ZNRF3: variants seen among roughly 807,000 people sequenced by gnomAD.
ZNRF3 encodes the protein E3 ubiquitin-protein ligase ZNRF3.
A neutral mutation model predicts 72.5 loss-of-function variants in ZNRF3; 23 were observed. The observed-to-expected ratio is 0.32, with a 90% CI of 0.23 to 0.45. The LOEUF is 0.45. Ranked by LOEUF, ZNRF3 falls within the 20% of genes least tolerant of loss-of-function variation. The probability of loss-of-function intolerance (pLI) is 1.00; values close to 1 mark genes in which losing one functional copy is unlikely to be tolerated. For synonymous variants in ZNRF3, 610 were observed against 545.3 expected, an observed-to-expected ratio of 1.12 and a Z score of -1.65; for missense variants, 1,169 against 1,272.1, an observed-to-expected ratio of 0.92 and a Z score of 1.23.
intron 1 of ZNRF3, among the ~76,000 whole-genome samples, chr22:28,918,546 G>A (rs879540954): frequency 0.061 from 5,410 of 89,292 alleles, 190 homozygotes; most frequent in East Asian, 0.34. Flanking sequence ...GCGTGTGTGT[G>A]TGTGTGTGTG....
chr22:29,036,832 A>T (rs182281256), intron 2 of ZNRF3, among the ~76,000 whole-genome samples: 29 of 152,364 alleles, frequency 1.9e-4, no homozygotes, highest in Admixed American at 1.7e-3. Flanking sequence ...AATCACAGCC[A>T]TTTAAAATAT....
intron 1 of ZNRF3, among the ~76,000 whole-genome samples, chr22:28,973,655 G>A (rs907259770): frequency 1.3e-5 from 2 of 152,098 alleles, no homozygotes; most frequent in Non-Finnish European, 2.9e-5. Context: ...TAAAGTGCTC[G>A]CTCTTAACAC....
At position 29,049,866 on chromosome 22, in the gene ZNRF3, G is replaced by A. The variant is rs758893267; in HGVS notation, c.1685G>A (p.Cys562Tyr). Reference protein sequence around the residue: ...SSSSSSGQCHCSSSDSVVDCT... With the variant: ...SSSSSSGQCHYSSSDSVVDCT... ...AGCAGCAGCTCCGGCCAGTGCCACT[G>A]TTCCTCCAGTGACTCTGTGGTAGAC... Residue 562 changes from cysteine to tyrosine, a missense_variant, in exon 8 of 9, where the codon TGT becomes TAT. Around this residue, in one of 2 missense-constraint regions of ZNRF3, gnomAD observed 783 missense variants for 731.4 expected, o/e 1.07. Transcript: ENST00000544604. This position sits in a 1 kb window ranked among gnomAD's most constrained non-coding sequence, Gnocchi z 5.2. 1.2e-6 allele frequency: 2 copies of A among 1,605,828 alleles called. No individual in the cohort carries two copies. Among genetic ancestry groups the A allele is most frequent in the Non-Finnish European group, 8.5e-7 (1 of 1,175,598 alleles).
intron 2 of ZNRF3, chr22:29,026,139 C>T (rs1035718340): frequency 6.6e-6 from 1 of 152,180 alleles, no homozygotes; most frequent in Non-Finnish European, 1.5e-5. Context: ...TTTGACACAG[C>T]CTTCATTCTG....
chr22:28,995,770 A>G lies in ZNRF3; in HGVS notation c.426+8569A>G, dbSNP rs530343433. ...TTTTCTAGGAGCACCCACAGGATCA[A>G]AACTGCCTTTTTTTTTTTTTTCCAA... On this transcript the variant is annotated intron_variant, in intron 2 of 8. Transcript: ENST00000544604. 6.6e-5 allele frequency among the ~76,000 whole-genome samples: 10 copies of G among 151,272 alleles called. No homozygotes were observed. In the South Asian group the frequency reaches 1.7e-3, roughly 25 times the overall value.
intron 1 of ZNRF3, among the ~76,000 whole-genome samples, chr22:28,958,749 C>T (rs2035303556): frequency 6.6e-6 from 1 of 152,188 alleles, no homozygotes; most frequent in Non-Finnish European, 1.5e-5. Context: ...GTACCAATCA[C>T]CCAAGGAAGG....
At chr22:28,888,851 C>G (rs1282830344) in intron 1 of ZNRF3, among the ~76,000 whole-genome samples, 2 of 152,070 alleles carry the variant, frequency 1.3e-5, no homozygotes, top group African/African-American at 4.8e-5. Flanking sequence ...GGCGCGGTGG[C>G]TCACGCCTGT....
chr22:28,999,744 C>T (rs946237362), intron 2 of ZNRF3, among the ~76,000 whole-genome samples: 3 of 152,196 alleles, frequency 2.0e-5, no homozygotes, highest in African/African-American at 7.2e-5. Context: ...GGTTTTCTGT[C>T]TACGAAGCTC....
At position 29,050,042 on chromosome 22, in the gene ZNRF3, G is replaced by T. The variant is rs772096392; in HGVS notation, c.1861G>T (p.Ala621Ser). ...CTCGGGCAGCTCGGGCCGGGGACCT[G>T]CCCTGTGCTTCGAGGGCTCCCCGCC... ...GGSGSSGRGP[A>S]LCFEGSPPPE... is the part of the protein sequence containing the mutation. The change falls in exon 8 of 9, where the codon GCC (alanine) becomes TCC (serine). Residue 621 changes from alanine to serine, a missense_variant. Transcript: ENST00000544604. 32 of 1,609,078 alleles carry T rather than the reference G, an allele frequency of 2.0e-5. No homozygotes were observed. The highest frequency in any genetic ancestry group is 2.7e-5 in the African/African-American group (2 of 74,882).
In ZNRF3 at chr22:29,054,249, T is replaced by A. The variant is rs1263217671; in HGVS notation, c.*627T>A. 1 of 152,364 alleles carries A rather than the reference T, an allele frequency of 6.6e-6. No homozygotes were observed. The highest frequency in any genetic ancestry group is 1.9e-4 in the East Asian group (1 of 5,202). 9.4% of individuals were successfully genotyped at this position (152,364 alleles called of 1,614,324 possible). The stretch of plus-strand genomic sequence containing the variant: ...GATTTCAGGTCTCAGACGCCATGCC[T>A]CTCCAGCCCACGCCTTTAGGCAGGT... On this transcript the variant is annotated 3_prime_UTR_variant, in exon 9 of 9. Transcript: ENST00000544604.
At chr22:29,032,171 G>A (rs772289525) in intron 2 of ZNRF3, among the ~76,000 whole-genome samples, 4 of 152,206 alleles carry the variant, frequency 2.6e-5, no homozygotes, top group Non-Finnish European at 5.9e-5. Flanking sequence ...GGAAAGGCAA[G>A]GCCCCCTAGT....
chr22:29,044,684 C>A, intron 4 of ZNRF3, 96 bp from the exon 5 acceptor site: 2 of 825,420 alleles, frequency 2.4e-6, no homozygotes. Context: ...TCATCCCGGT[C>A]ACCCCATCTT....
At chr22:28,895,662 G>A (rs547695821) in intron 1 of ZNRF3, among the ~76,000 whole-genome samples, 2 of 151,958 alleles carry the variant, frequency 1.3e-5, no homozygotes, top group East Asian at 1.9e-4. Context: ...GCGAGACTCC[G>A]TCTCAAAAAA....
intron 8 of ZNRF3, 128 bp from the exon 9 acceptor site, chr22:29,053,451 A>C: frequency 1.3e-6 from 1 of 782,136 alleles, no homozygotes. Flanking sequence ...TGGGAACAGG[A>C]ACCTGCTTCA....
intron 1 of ZNRF3, among the ~76,000 whole-genome samples, chr22:28,976,746 C>T (rs1246282635): frequency 6.6e-6 from 1 of 152,038 alleles, no homozygotes; most frequent in Non-Finnish European, 1.5e-5. Flanking sequence ...GTGTAGAGAA[C>T]AATACTTGTC....
chr22:28,986,981 G>A (rs1175369858), intron 1 of ZNRF3, 95 bp from the exon 2 acceptor site: 10 of 1,486,116 alleles, frequency 6.7e-6, no homozygotes, highest in African/African-American at 2.8e-5. Flanking sequence ...AAGTTTTGAC[G>A]TTACTTTTGG....
At chr22:28,994,857 A>T (rs772258609) in intron 2 of ZNRF3, among the ~76,000 whole-genome samples, 2 of 152,244 alleles carry the variant, frequency 1.3e-5, no homozygotes, top group Non-Finnish European at 2.9e-5. Context: ...GCGATGGAGC[A>T]TAGTTGCTCC....
Position 29,020,761 on chromosome 22 carries a change from T to TGTGTGTG in ZNRF3, c.427-21734_427-21733insGTGTGTG, listed in dbSNP as rs1569284112. On this transcript the variant is annotated intron_variant, in intron 2 of 8. Transcript: ENST00000544604. Reference sequence around the variant, plus strand: ...CAGATTTCATTGAGAGGGGCTTTGTTTTTGTGTGTGTGTGGGTGTGTGTGT... The same window carrying TGTGTGTG: ...CAGATTTCATTGAGAGGGGCTTTGTTGTGTGTGTTTGTGTGTGTGTGGGTGTGTGTGT... Among the ~76,000 whole-genome samples the TGTGTGTG allele has an allele frequency of 2.7e-3, 117 of 42,972 alleles. 1 individual carries two copies. Among genetic ancestry groups the TGTGTGTG allele is most frequent in the Middle Eastern group, 0.013 (1 of 78 alleles). The allele number at this position is 42,972 out of a possible 152,430, so 28.2% of individuals were successfully genotyped here. A position where few individuals can be genotyped will look rare whatever the true frequency, so the allele number is the denominator to read the frequency against.
At chr22:28,902,567 C>G (rs1473489137) in intron 1 of ZNRF3, among the ~76,000 whole-genome samples, 1 of 152,080 alleles carries the variant, frequency 6.6e-6, no homozygotes, top group Non-Finnish European at 1.5e-5. Flanking sequence ...GTTCTTTAAG[C>G]ATGTTGTAAA....
Sources: gnomAD v4.1 joint callset for allele counts (sites outside exome capture counted in the v4.1 genomes callset) on GRCh38, gnomAD v4.1.1 for gene constraint, gnomAD v4.1.1 regional missense constraint, Gnocchi (gnomAD v3.1) non-coding constraint, MANE v1.5 for transcripts, NCBI Gene and HGNC (gene_info 2026-07-23, HGNC 2026-07-21) for gene names.